Variants in THSD7B observed in about 807,000 individuals in gnomAD.
THSD7B encodes thrombospondin type 1 domain containing 7B, also known as thrombospondin type-1 domain-containing protein 7B.
In THSD7B, 138 loss-of-function variants were observed where a neutral mutation model predicts 213.6. That is an observed-to-expected ratio of 0.65 (90% CI 0.56 to 0.74). The LOEUF (loss-of-function observed/expected upper bound fraction) is 0.74. THSD7B is among the 30% of genes least tolerant of loss of function. The pLI is 0.00. For missense variants in THSD7B, 1,931 were observed against 1,991.5 expected, an observed-to-expected ratio of 0.97 and a Z score of 0.58; for synonymous variants, 742 against 687.0, an observed-to-expected ratio of 1.08 and a Z score of -1.25.
chr2:137,395,236 T>G (rs533984131), intron 12 of THSD7B, among the ~76,000 whole-genome samples: 12,483 of 118,608 alleles, frequency 0.11, 918 homozygotes, highest in South Asian at 0.14. Context: ...TCCCTGTCTT[T>G]TGCCAGTTTT....
At chr2:137,425,576 A>G (rs1333451835) in intron 14 of THSD7B, among the ~76,000 whole-genome samples, 2 of 152,194 alleles carry the variant, frequency 1.3e-5, no homozygotes, top group Non-Finnish European at 2.9e-5. Flanking sequence ...ATGCTATTGC[A>G]TTTATATCAG....
chr2:137,640,908 A>G (rs1171026222), intron 20 of THSD7B, among the ~76,000 whole-genome samples: 1 of 152,230 alleles, frequency 6.6e-6, no homozygotes, highest in Non-Finnish European at 1.5e-5. Context: ...GAAGCCAGTG[A>G]TTAGGACACC....
intron 1 of THSD7B, among the ~76,000 whole-genome samples, chr2:136,851,850 T>G (rs867732849): frequency 1.5e-4 from 23 of 152,058 alleles, no homozygotes; most frequent in African/African-American, 5.1e-4. Context: ...ATCCTGCCAT[T>G]GTGGGAGGAA....
intron 17 of THSD7B, among the ~76,000 whole-genome samples, chr2:137,613,903 CA>C (rs1682333071): frequency 6.6e-6 from 1 of 152,028 alleles, no homozygotes. Flanking sequence ...AGGATAAAAA[CA>C]CTAACATTAA....
At chr2:137,228,849 G>T (rs1681575796) in intron 7 of THSD7B, among the ~76,000 whole-genome samples, 1 of 152,146 alleles carries the variant, frequency 6.6e-6, no homozygotes, top group African/African-American at 2.4e-5. Flanking sequence ...AAGTAACAGT[G>T]AGCCCATCTA....
chr2:136,903,809 G>A (rs548859642), intron 2 of THSD7B, among the ~76,000 whole-genome samples: 14 of 152,244 alleles, frequency 9.2e-5, no homozygotes, highest in East Asian at 5.8e-4. Flanking sequence ...TGAGATTTCC[G>A]TGGACTCCCA....
rs148717663 is a variant in THSD7B, at chr2:137,644,947, T to G, written c.3945+2314T>G. Among the ~76,000 whole-genome samples the G allele has an allele frequency of 3.0e-4, 46 of 152,276 alleles. 1 individual carries two copies. The East Asian group carries it at 8.7e-3, about 29-fold the overall frequency. ...CAGGCATCACTTTCTTTTTTAGCAT[T>G]TCCTAACTCTTCCCAAGTTTCTCAG... On this transcript the variant is annotated intron_variant, in intron 21 of 27. Transcript: ENST00000409968.
intron 9 of THSD7B, among the ~76,000 whole-genome samples, chr2:137,235,145 A>G (rs1003325293): frequency 9.9e-5 from 15 of 152,208 alleles, no homozygotes; most frequent in African/African-American, 1.7e-4. Context: ...TGTTACGCAG[A>G]CATGAGAACT....
intron 2 of THSD7B, among the ~76,000 whole-genome samples, chr2:136,944,821 A>G (rs1355520460): frequency 6.7e-6 from 1 of 149,832 alleles, no homozygotes; most frequent in Non-Finnish European, 1.5e-5. Flanking sequence ...CAACGCACTG[A>G]TGGGTCTTGA....
intron 5 of THSD7B, among the ~76,000 whole-genome samples, chr2:137,145,099 C>T (rs1679667730): frequency 6.6e-6 from 1 of 152,060 alleles, no homozygotes; most frequent in Non-Finnish European, 1.5e-5. Flanking sequence ...TGTTTTGAGA[C>T]ATAAAGCCTC....
chr2:137,568,490 T>C (rs1204139871), intron 16 of THSD7B, among the ~76,000 whole-genome samples: 1 of 152,180 alleles, frequency 6.6e-6, no homozygotes, highest in Non-Finnish European at 1.5e-5. Flanking sequence ...TAGTCTATTT[T>C]CACACTGCTA....
intron 12 of THSD7B, among the ~76,000 whole-genome samples, chr2:137,330,517 G>T (rs927020812): frequency 2.6e-5 from 4 of 152,168 alleles, no homozygotes; most frequent in Non-Finnish European, 5.9e-5. Flanking sequence ...GTTCGGATAT[G>T]CTAGGAGTTT....
chr2:137,056,175 T>G (rs567054009), intron 2 of THSD7B, among the ~76,000 whole-genome samples: 48 of 152,326 alleles, frequency 3.2e-4, no homozygotes, highest in African/African-American at 1.0e-3. Context: ...CTACCTTATA[T>G]AGGTGAGGAA....
chr2:137,676,420 T>G (rs1220646307), intron 27 of THSD7B, 104 bp from the exon 28 acceptor site: 2 of 1,037,838 alleles, frequency 1.9e-6, no homozygotes, highest in East Asian at 5.5e-5. Context: ...ATGAATCTTT[T>G]TGTCATTTTA....
At chr2:136,854,882 A>G (rs2104966736) in intron 1 of THSD7B, among the ~76,000 whole-genome samples, 1 of 151,954 alleles carries the variant, frequency 6.6e-6, no homozygotes, top group Non-Finnish European at 1.5e-5. Context: ...TCTCTCCCCC[A>G]TGTTTTCCTA....
chr2:137,291,828 C>A (rs953733624), intron 12 of THSD7B, among the ~76,000 whole-genome samples: 2 of 152,128 alleles, frequency 1.3e-5, no homozygotes, highest in African/African-American at 4.8e-5. Flanking sequence ...TATATAATTT[C>A]TCAGGTGCCA....
intron 15 of THSD7B, among the ~76,000 whole-genome samples, chr2:137,461,522 C>T (rs1422111006): frequency 6.6e-6 from 1 of 152,052 alleles, no homozygotes; most frequent in African/African-American, 2.4e-5. Context: ...TCCCACTGGA[C>T]TCTGCTCACT....
intron 12 of THSD7B, among the ~76,000 whole-genome samples, chr2:137,379,554 G>A (rs1345658994): frequency 6.6e-6 from 1 of 152,202 alleles, no homozygotes; most frequent in Non-Finnish European, 1.5e-5. Flanking sequence ...AATGCAAGGG[G>A]AGAAGGAAAG....
chr2:137,133,252 A>G (rs1688774816), intron 5 of THSD7B, among the ~76,000 whole-genome samples: 1 of 152,178 alleles, frequency 6.6e-6, no homozygotes, highest in Non-Finnish European at 1.5e-5. Flanking sequence ...GCCCCGAATA[A>G]TCTATTTTAA....
Sources: gnomAD v4.1 joint callset for allele counts (sites outside exome capture counted in the v4.1 genomes callset) on GRCh38, gnomAD v4.1.1 for gene constraint, MANE v1.5 for transcripts, NCBI Gene and HGNC (gene_info 2026-07-23, HGNC 2026-07-21) for gene names.